The following JADE3 variants were observed in gnomAD, a reference collection of about 807,000 sequenced individuals.
JADE3 encodes the protein protein Jade-3.
Under a neutral mutation model 50.1 loss-of-function variants are expected in JADE3, and 2 were observed. The observed-to-expected ratio is 0.04, with a 90% CI of 0.02 to 0.13. JADE3 has a LOEUF of 0.13. JADE3 is among the 10% of genes least tolerant of loss of function. The pLI, the probability that JADE3 is intolerant of heterozygous loss-of-function variation, is 1.00. For synonymous variants in JADE3, 218 were observed against 232.9 expected (o/e 0.94, Z 0.58); for missense variants, 475 against 634.4 (o/e 0.75, Z 2.70).
intron 1 of JADE3, among the ~76,000 whole-genome samples, chrX:46,974,142 G>A (rs1485420200): frequency 3.6e-5 from 4 of 110,658 alleles, no homozygotes; most frequent in Non-Finnish European, 7.6e-5. Context: ...AGTAGCTCAC[G>A]CCTGTAATCC....
intron 3 of JADE3, among the ~76,000 whole-genome samples, chrX:46,990,870 C>A (rs1927973827): frequency 9.1e-6 from 1 of 109,895 alleles, no homozygotes; most frequent in Non-Finnish European, 1.9e-5. Flanking sequence ...CCTGCAACCC[C>A]TGGCAACCAC....
intron 1 of JADE3, among the ~76,000 whole-genome samples, chrX:46,943,133 A>G (rs1311312966): frequency 8.9e-6 from 1 of 112,525 alleles, no homozygotes; most frequent in Non-Finnish European, 1.9e-5. Context: ...ACATAAGATC[A>G]TATAATCAGA....
intron 4 of JADE3, among the ~76,000 whole-genome samples, chrX:46,999,434 CATAT>C (rs56687519): frequency 1.5e-5 from 1 of 65,940 alleles, no homozygotes; most frequent in African/African-American, 6.9e-5. Context: ...ACATATATAA[CATAT>C]ATATATATAT....
chrX:46,990,580 G>A (rs185532332), intron 3 of JADE3, among the ~76,000 whole-genome samples: 1 of 111,600 alleles, frequency 9.0e-6, no homozygotes, highest in East Asian at 2.8e-4. Flanking sequence ...TCACATTGAG[G>A]AGGAGAGGTG....
intron 1 of JADE3, among the ~76,000 whole-genome samples, chrX:46,926,119 T>G (rs1926360242): frequency 9.2e-6 from 1 of 109,256 alleles, no homozygotes; most frequent in Admixed American, 9.9e-5. Context: ...GGTCTTGAAC[T>G]CCTGGGCTCA....
intron 7 of JADE3, among the ~76,000 whole-genome samples, chrX:47,035,829 ATATTTCC>A (rs1309003156): frequency 8.9e-6 from 1 of 111,861 alleles, no homozygotes; most frequent in Non-Finnish European, 1.9e-5. Context: ...ATGGAAAAGA[ATATTTCC>A]ATCTTTTTAA....
intron 4 of JADE3, among the ~76,000 whole-genome samples, chrX:47,005,185 T>TCCTCTCTAGC (rs1358793892): frequency 8.9e-6 from 1 of 111,804 alleles, no homozygotes; most frequent in Non-Finnish European, 1.9e-5. Flanking sequence ...GAAAAGCCTG[T>TCCTCTCTAGC]CCTCTCTAGC....
At chrX:47,007,647 A>G (rs1488975375) in intron 4 of JADE3, among the ~76,000 whole-genome samples, 1 of 110,936 alleles carries the variant, frequency 9.0e-6, no homozygotes, top group Non-Finnish European at 1.9e-5. Flanking sequence ...TTTACTTTCA[A>G]CCTACTTATA....
chrX:46,940,535 T>C (rs2147111650), intron 1 of JADE3, among the ~76,000 whole-genome samples: 1 of 111,994 alleles, frequency 8.9e-6, no homozygotes, highest in South Asian at 3.8e-4. Context: ...GTTAGTTACC[T>C]AGTTGCCTTT....
chrX:47,035,229 GA>G (rs1207191879), intron 7 of JADE3, among the ~76,000 whole-genome samples: 5 of 111,058 alleles, frequency 4.5e-5, no homozygotes, highest in African/African-American at 1.6e-4. Flanking sequence ...AGTTAATGGG[GA>G]GCTGACATTA....
At chrX:46,990,464 C>T (rs1453972014) in intron 3 of JADE3, among the ~76,000 whole-genome samples, 1 of 111,074 alleles carries the variant, frequency 9.0e-6, no homozygotes, top group East Asian at 2.8e-4. Flanking sequence ...GAAATTCCCA[C>T]CACTTTGTTG....
chrX:47,043,758 G>T (rs1009730619), intron 8 of JADE3, among the ~76,000 whole-genome samples: 2 of 107,550 alleles, frequency 1.9e-5, no homozygotes, highest in Non-Finnish European at 3.8e-5. Context: ...GGCGGAGCTT[G>T]CAGTGAGCCA....
chrX:47,050,078 C>T (rs1011663413), intron 8 of JADE3, among the ~76,000 whole-genome samples: 7 of 109,093 alleles, frequency 6.4e-5, no homozygotes, highest in Non-Finnish European at 1.3e-4. Context: ...GTACCACAGG[C>T]GTGCACCACC....
chrX:46,978,666 C>T (rs1041202322), intron 1 of JADE3, among the ~76,000 whole-genome samples: 1 of 111,483 alleles, frequency 9.0e-6, no homozygotes, highest in Non-Finnish European at 1.9e-5. Context: ...AACTGGGCCT[C>T]GCAAGCCATG....
chrX:46,951,941 T>G (rs782583676), intron 1 of JADE3, among the ~76,000 whole-genome samples: 16 of 111,647 alleles, frequency 1.4e-4, no homozygotes, highest in Non-Finnish European at 2.3e-4. Flanking sequence ...TGGTGGTGGT[T>G]GTTTTAGAAG....
chrX:47,048,167 C>T, intron 8 of JADE3, among the ~76,000 whole-genome samples: 1 of 111,562 alleles, frequency 9.0e-6, no homozygotes, highest in Middle Eastern at 4.6e-3. Context: ...ATAGAAGGTG[C>T]CCCAAAGTCT....
chrX:46,989,471 T>G (rs1217867413), intron 3 of JADE3, among the ~76,000 whole-genome samples: 2 of 111,852 alleles, frequency 1.8e-5, no homozygotes, highest in South Asian at 3.7e-4. Flanking sequence ...TTTCACTTGA[T>G]ATAGAATTCT....
At chrX:46,993,644 C>G (rs935103633) in intron 3 of JADE3, among the ~76,000 whole-genome samples, 4 of 111,905 alleles carry the variant, frequency 3.6e-5, no homozygotes, top group Non-Finnish European at 7.5e-5. Context: ...TCAAAACGTT[C>G]TGTTTATTCT....
At chrX:47,020,851 A>G (rs1179421103) in intron 4 of JADE3, among the ~76,000 whole-genome samples, 1 of 111,937 alleles carries the variant, frequency 8.9e-6, no homozygotes, top group Non-Finnish European at 1.9e-5. Flanking sequence ...ACGGTGGCTC[A>G]TGCCTGTAAT....
Sources: allele counts gnomAD v4.1 joint callset (sites outside exome capture counted in the v4.1 genomes callset), GRCh38; gene constraint gnomAD v4.1.1; transcripts MANE v1.5; gene names NCBI Gene and HGNC (gene_info 2026-07-23, HGNC 2026-07-21).